ADRA2B: variants seen among roughly 807,000 people sequenced by gnomAD.
The protein encoded by ADRA2B is alpha-2B adrenergic receptor.
Under a neutral mutation model 14.4 loss-of-function variants are expected in ADRA2B, and 14 were observed. That is an observed-to-expected ratio of 0.97 (90% CI 0.64 to 1.52). ADRA2B has a LOEUF of 1.52. Ranked by LOEUF, ADRA2B falls within the 40% of genes most tolerant of loss-of-function variation. The probability of loss-of-function intolerance (pLI) is 0.00; values close to 1 mark genes in which losing one functional copy is unlikely to be tolerated. For missense variants in ADRA2B, 606 were observed against 603.2 expected (o/e 1.00, Z -0.05); for synonymous variants, 250 against 263.7 (o/e 0.95, Z 0.50).
In ADRA2B at chr2:96,114,104, C is replaced by A; in HGVS notation, c.*693G>T. 4.1e-6 allele frequency: 4 copies of A among 985,784 alleles called. No individual in the cohort carries two copies. Among genetic ancestry groups the A allele is most frequent in the Non-Finnish European group, 3.6e-6 (3 of 829,952 alleles). 61.1% of individuals were successfully genotyped at this position (985,784 alleles called of 1,614,324 possible). A position where few individuals can be genotyped will look rare whatever the true frequency, so the allele number is the denominator to read the frequency against. On this transcript the variant is annotated 3_prime_UTR_variant, in exon 1 of 1. Transcript: ENST00000620793. ...CAGAGACCAGGCCTCCAAGACCGCC[C>A]CAGCGAGGCATCCACGTGGCCACCC...
chr2:96,115,703 G>C lies in ADRA2B; in HGVS notation c.447C>G (p.Ile149Met). Residue 149 changes from isoleucine (I) to methionine (M), a missense_variant, in exon 1 of 1, where the codon ATC becomes ATG. Ile to Met is a conservative substitution (Grantham distance 10, BLOSUM62 1). Coordinates refer to ENST00000620793, the MANE Select transcript of ADRA2B (RefSeq NM_000682.7). ...GCTGGGGGCCCTGGTCGCCCTTGTAGATGAGGGGCGGCAGCGAGATGACGG... is the reference window on the plus strand; with the variant it reads ...GCTGGGGGCCCTGGTCGCCCTTGTACATGAGGGGCGGCAGCGAGATGACGG... ...IAAVISLPPL[I>M]YKGDQGPQPR... is the part of the protein sequence containing the mutation. 6.2e-7 allele frequency: 1 copy of C among 1,613,554 alleles called. No homozygotes were observed. Among genetic ancestry groups the C allele is most frequent in the Non-Finnish European group, 8.5e-7 (1 of 1,179,786 alleles).
Position 96,115,559 on chromosome 2 carries a change from C to T in ADRA2B, c.591G>A (p.Leu197=). 1.9e-6 allele frequency: 3 copies of T among 1,613,892 alleles called. No homozygotes were observed. Among genetic ancestry groups the T allele is most frequent in the Non-Finnish European group, 1.7e-6 (2 of 1,179,896 alleles). The change falls in exon 1 of 1, where the codon CTG becomes CTA. Residue 197 remains leucine, a synonymous_variant. Transcript: ENST00000620793. The part of the protein sequence containing the change: ...IMILVYLRIY[L]IAKRSNRRGP... ...CTCTGCGGTTGCTGCGTTTGGCGAT[C>T]AGGTAGATGCGCAGGTAGACAAGGA...
At position 96,113,796 on chromosome 2, in the gene ADRA2B, TA is replaced by T. The variant is rs1436355008; in HGVS notation, c.*1000del. 7 of 588,304 alleles carry T rather than the reference TA, an allele frequency of 1.2e-5. No homozygotes were observed. Among genetic ancestry groups the T allele is most frequent in the African/African-American group, 2.0e-5 (1 of 49,504 alleles). The allele number at this position is 588,304 out of a possible 1,614,324, so 36.4% of individuals were successfully genotyped here. A position where few individuals can be genotyped will look rare whatever the true frequency, so the allele number is the denominator to read the frequency against. ...CTCAAAGAGATCCTTTAACTTGAAATAGTGATTCTGTCTGCCACTCCCGGCT... is the reference window on the plus strand; with the variant it reads ...CTCAAAGAGATCCTTTAACTTGAAATGTGATTCTGTCTGCCACTCCCGGCT... On this transcript the variant is annotated 3_prime_UTR_variant, in exon 1 of 1. Coordinates refer to ENST00000620793, the MANE Select transcript of ADRA2B (RefSeq NM_000682.7).
Position 96,114,956 on chromosome 2 carries a change from C to T in ADRA2B, c.1194G>A (p.Pro398=), listed in dbSNP as rs775698319. The T allele has an allele frequency of 2.1e-5, 34 of 1,613,310 alleles. No homozygotes were observed. The Admixed American group carries it at 3.5e-4, about 17-fold the overall frequency. The change falls in exon 1 of 1, where the codon CCG becomes CCA. Residue 398 remains proline (P), a synonymous_variant. Transcript: ENST00000620793. The part of the protein sequence containing the change: ...FFSYSLGAIC[P]KHCKVPHGLF... Reference sequence around the variant, plus strand: ...GGCCATGGGGCACCTTGCAGTGCTTCGGGCAGATGGCTCCCAGGCTGTAGC... The same window carrying T: ...GGCCATGGGGCACCTTGCAGTGCTTTGGGCAGATGGCTCCCAGGCTGTAGC...
rs1190205282 is a variant in ADRA2B, at chr2:96,115,853, G to A, written c.297C>T (p.Ser99=). The change falls in exon 1 of 1, where the codon TCC becomes TCT. Residue 99 remains serine (S), a synonymous_variant. Transcript: ENST00000620793. ...LALDVLFCTS[S]IVHLCAISLD... ...GGCTGATGGCGCACAGGTGCACGAT[G>A]GACGAGGTGCAGAAGAGCACGTCGA... 2.0e-5 allele frequency: 33 copies of A among 1,613,456 alleles called. No homozygotes were observed. The highest frequency in any genetic ancestry group is 2.8e-5 in the Non-Finnish European group (33 of 1,179,706).
chr2:96,114,380 G>C lies in ADRA2B; in HGVS notation c.*417C>G, dbSNP rs1019914851. On this transcript the variant is annotated 3_prime_UTR_variant, in exon 1 of 1. Transcript: ENST00000620793. ...CTGGCTCCGTGCTCTTTGTGGGTGG[G>C]GGGGAGATGAAAAAGAAACGAAAAC... 1.2e-5 allele frequency: 12 copies of C among 1,002,014 alleles called. No individual in the cohort carries two copies. The highest frequency in any genetic ancestry group is 5.3e-5 in the Admixed American group (1 of 18,986). The allele number at this position is 1,002,014 out of a possible 1,614,324, so 62.1% of individuals were successfully genotyped here.
rs11464083 is a variant in ADRA2B at position 96,112,917 on chromosome 2, TAAA to T, written c.*1877_*1879del. The T allele has an allele frequency of 2.0e-5, 7 of 346,694 alleles. No individual in the cohort carries two copies. Among genetic ancestry groups the T allele is most frequent in the African/African-American group, 6.6e-5 (3 of 45,184 alleles). 21.5% of individuals were successfully genotyped at this position (346,694 alleles called of 1,614,324 possible). On this transcript the variant is annotated 3_prime_UTR_variant, in exon 1 of 1. Transcript: ENST00000620793. ...TTTATTGATAAAATAGCTCAGAGTTTAAAAAAAAAAAAAACACCACCTGCATGT... is the reference window on the plus strand; with the variant it reads ...TTTATTGATAAAATAGCTCAGAGTTTAAAAAAAAAAACACCACCTGCATGT...
At position 96,116,251 on chromosome 2, in the gene ADRA2B, G is replaced by A. The variant is rs998396450; in HGVS notation, c.-102C>T. ...TAGACAAGAGCGTCGCCCCTCGGGC[G>A]GCGCCGAGGGCGCTGGAGCCCCATG... is the stretch of plus-strand genomic sequence containing the variant. On this transcript the variant is annotated 5_prime_UTR_variant, in exon 1 of 1. Transcript: ENST00000620793. 1.4e-5 allele frequency: 14 copies of A among 1,034,804 alleles called. No homozygotes were observed. The African/African-American group carries it at 1.8e-4, about 13-fold the overall frequency. 64.1% of individuals were successfully genotyped at this position (1,034,804 alleles called of 1,614,324 possible).
chr2:96,115,379 C>T lies in ADRA2B; in HGVS notation c.771G>A (p.Glu257=). ...CAGTATCTTCAGGGGTCTCCCCCTCCTCCTTCTCCCCAGTGGACTTCGAGT... is the reference window on the plus strand; with the variant it reads ...CAGTATCTTCAGGGGTCTCCCCCTCTTCCTTCTCCCCAGTGGACTTCGAGT... ...NGHSKSTGEK[E]EGETPEDTGT... The change falls in exon 1 of 1, where the codon GAG becomes GAA. Residue 257 remains glutamate (E), a synonymous_variant. Transcript: ENST00000620793. 1.9e-6 allele frequency: 3 copies of T among 1,606,540 alleles called. No homozygotes were observed. The highest frequency in any genetic ancestry group is 1.7e-6 in the Non-Finnish European group (2 of 1,175,126).
chr2:96,116,142 T>G lies in ADRA2B; in HGVS notation c.8A>C (p.His3Pro), dbSNP rs1482659145. The change falls in exon 1 of 1, where the codon CAC becomes CCC. Residue 3 changes from histidine to proline, a missense_variant. Coordinates refer to ENST00000620793, the MANE Select transcript of ADRA2B (RefSeq NM_000682.7). ...GGCCTGCACGGAGTAGGGGTCCTGG[T>G]GGTCCATGACGGGGCGGGAGGTGGG... Reference protein sequence around the residue: MDHQDPYSVQATA... With the variant: MDPQDPYSVQATA... 6.2e-6 allele frequency: 10 copies of G among 1,609,454 alleles called. No homozygotes were observed. The highest frequency in any genetic ancestry group is 2.7e-5 in the African/African-American group (2 of 74,868).
At position 96,114,781 on chromosome 2, in the gene ADRA2B, G is replaced by A; in HGVS notation, c.*16C>T. ...GGCGCCACCGCACCAACCCCACAGGGGCAGCGCAGGCGGGCTCACCAGGCC... is the reference window on the plus strand; with the variant it reads ...GGCGCCACCGCACCAACCCCACAGGAGCAGCGCAGGCGGGCTCACCAGGCC... On this transcript the variant is annotated 3_prime_UTR_variant, in exon 1 of 1. Coordinates refer to ENST00000620793, the MANE Select transcript of ADRA2B (RefSeq NM_000682.7). 1 of 1,605,486 alleles carries A rather than the reference G, an allele frequency of 6.2e-7. No individual in the cohort carries two copies. The highest frequency in any genetic ancestry group is 8.5e-7 in the Non-Finnish European group (1 of 1,175,150).
Position 96,116,525 on chromosome 2 carries a change from C to T in ADRA2B, c.-376G>A, listed in dbSNP as rs1257417487. ...TAAAGGAGGCGCGGAGGACCTTGCG[C>T]CCGCTCAGCTCGCAGGCTTTCGCCC... On this transcript the variant is annotated 5_prime_UTR_variant, in exon 1 of 1. Transcript: ENST00000620793. Among the ~76,000 whole-genome samples the T allele has an allele frequency of 6.6e-6, 1 of 152,094 alleles. No homozygotes were observed. Among genetic ancestry groups the T allele is most frequent in the Non-Finnish European group, 1.5e-5 (1 of 68,012 alleles).
In ADRA2B at chr2:96,115,780, G is replaced by A. The variant is rs1681858727; in HGVS notation, c.370C>T (p.Arg124Cys). 2 of 1,612,856 alleles carry A rather than the reference G, an allele frequency of 1.2e-6. No individual in the cohort carries two copies. Among genetic ancestry groups the A allele is most frequent in the African/African-American group, 1.3e-5 (1 of 74,920 alleles). The change falls in exon 1 of 1, where the codon CGC becomes TGC. Residue 124 changes from arginine (R) to cysteine (C), a missense_variant. Physicochemically the swap from Arg to Cys is radical, Grantham distance 180. Transcript: ENST00000620793. ...VSRALEYNSK[R>C]TPRRIKCIIL... is the part of the protein sequence containing the mutation. ...ATGCACTTGATGCGGCGCGGGGTGC[G>A]CTTGGAGTTGTACTCCAGCGCGCGG... is the stretch of plus-strand genomic sequence containing the variant.
Position 96,113,806 on chromosome 2 carries a change from G to T in ADRA2B, c.*991C>A. 1.5e-6 allele frequency: 1 copy of T among 686,764 alleles called. No individual in the cohort carries two copies. The highest frequency in any genetic ancestry group is 1.8e-6 in the Non-Finnish European group (1 of 557,100). The allele number at this position is 686,764 out of a possible 1,614,324, so 42.5% of individuals were successfully genotyped here. ...TCCTTTAACTTGAAATAGTGATTCT[G>T]TCTGCCACTCCCGGCTTCCAGTTCG... On this transcript the variant is annotated 3_prime_UTR_variant, in exon 1 of 1. Coordinates refer to ENST00000620793, the MANE Select transcript of ADRA2B (RefSeq NM_000682.7).
At position 96,115,482 on chromosome 2, in the gene ADRA2B, G is replaced by C. The variant is rs747828766; in HGVS notation, c.668C>G (p.Pro223Arg). ...PGQGESKQPR[P>R]DHGGALASAK... ...TGAGGCCAAAGCCCCACCATGGTCGGGTCGGGGCTGCTTGGACTCACCCTG... is the reference window on the plus strand; with the variant it reads ...TGAGGCCAAAGCCCCACCATGGTCGCGTCGGGGCTGCTTGGACTCACCCTG... The change falls in exon 1 of 1, where the codon CCC becomes CGC. Residue 223 changes from proline (P) to arginine (R), a missense_variant. By Grantham distance (103) the Pro-to-Arg change is moderately radical (BLOSUM62 -2). Transcript: ENST00000620793. 2.4e-5 allele frequency: 39 copies of C among 1,613,440 alleles called. No individual in the cohort carries two copies. The Admixed American group carries it at 4.3e-4, about 18-fold the overall frequency.
Position 96,115,688 on chromosome 2 carries a change from CT to C in ADRA2B, c.461del (p.Gln154ArgfsTer35). 1.9e-6 allele frequency: 3 copies of C among 1,613,612 alleles called. No homozygotes were observed. Among genetic ancestry groups the C allele is most frequent in the Non-Finnish European group, 2.5e-6 (3 of 1,179,838 alleles). On this transcript the variant is annotated frameshift_variant, in exon 1 of 1. Coordinates refer to ENST00000620793, the MANE Select transcript of ADRA2B (RefSeq NM_000682.7). LOFTEE classifies it low-confidence loss of function (END_TRUNC). ...SLPPLIYKGD[Q>X]GPQPRGRPQC... ...GGGGGCGCCCGCGCGGCTGGGGGCC[CT>C]GGTCGCCCTTGTAGATGAGGGGCGG...
rs1031757142 is a variant in ADRA2B, at chr2:96,113,154, T to C, written c.*1643A>G. 5.0e-6 allele frequency: 2 copies of C among 398,614 alleles called. No individual in the cohort carries two copies. The highest frequency in any genetic ancestry group is 4.4e-5 in the Admixed American group (1 of 22,730). 24.7% of individuals were successfully genotyped at this position (398,614 alleles called of 1,614,324 possible). A position where few individuals can be genotyped will look rare whatever the true frequency, so the allele number is the denominator to read the frequency against. ...TCTTTTTGGTCCCCTCCATTCTCTC[T>C]ACACCCAGAAAACTCCCTCGGTGCC... On this transcript the variant is annotated 3_prime_UTR_variant, in exon 1 of 1. Coordinates refer to ENST00000620793, the MANE Select transcript of ADRA2B (RefSeq NM_000682.7).
rs1176725221 is a variant in ADRA2B at position 96,115,996 on chromosome 2, C to G, written c.154G>C (p.Val52Leu). 6.2e-7 allele frequency: 1 copy of G among 1,613,682 alleles called. No homozygotes were observed. The highest frequency in any genetic ancestry group is 2.2e-5 in the East Asian group (1 of 44,860). ...AGGATGTCGGCGGCGGCCAGCGACA[C>G]CAGGAACAGGTTCTGAGGGGCGCGC... Reference protein sequence around the residue: ...SLRAPQNLFLVSLAAADILVA... With the variant: ...SLRAPQNLFLLSLAAADILVA... The change falls in exon 1 of 1, where the codon GTG becomes CTG. Residue 52 changes from valine to leucine, a missense_variant. Physicochemically the swap from Val to Leu is conservative, Grantham distance 32. Transcript: ENST00000620793.
In ADRA2B at chr2:96,114,737, C is replaced by A; in HGVS notation, c.*60G>T. 6.5e-7 allele frequency: 1 copy of A among 1,533,400 alleles called. No individual in the cohort carries two copies. The allele number at this position is 1,533,400 out of a possible 1,614,324, so 95.0% of individuals were successfully genotyped here. On this transcript the variant is annotated 3_prime_UTR_variant, in exon 1 of 1. Transcript: ENST00000620793. ...GGGGAGGCAGCCACACACAGCAGGG[C>A]AAGAAGCAGGGTGACCCCGGCGCCA...
Sources: gnomAD v4.1 joint callset for allele counts (sites outside exome capture counted in the v4.1 genomes callset) on GRCh38, gnomAD v4.1.1 for gene constraint, MANE v1.5 for transcripts, NCBI Gene and HGNC (gene_info 2026-07-23, HGNC 2026-07-21) for gene names.